Variants in CTNNA3 observed in about 807,000 individuals in gnomAD.
The protein encoded by CTNNA3 is catenin alpha 3.
A neutral mutation model predicts 95.7 loss-of-function variants in CTNNA3; 76 were observed. The ratio of observed to expected loss-of-function variants is 0.79; its 90% confidence interval spans 0.66 to 0.96. The LOEUF is 0.96. CTNNA3 is among the 40% of genes least tolerant of loss of function. The probability of loss-of-function intolerance (pLI) is 0.00; values close to 1 mark genes in which losing one functional copy is unlikely to be tolerated. For missense variants in CTNNA3, 1,191 were observed against 1,089.8 expected, an observed-to-expected ratio of 1.09 and a Z score of -1.31; for synonymous variants, 431 against 374.4, an observed-to-expected ratio of 1.15 and a Z score of -1.74.
At chr10:66,500,535 A>G (rs953255997) in intron 11 of CTNNA3, among the ~76,000 whole-genome samples, 2 of 152,194 alleles carry the variant, frequency 1.3e-5, no homozygotes, top group Admixed American at 6.5e-5. Context: ...CCAAGGCTGA[A>G]TATCTCTACC....
At chr10:66,686,995 T>C (rs6480201) in intron 9 of CTNNA3, among the ~76,000 whole-genome samples, 84,181 of 151,850 alleles carry the variant, frequency 0.55, 24,075 homozygotes, top group African/African-American at 0.68. Context: ...CAATAAAAAA[T>C]TTTAAGCTCA....
intron 7 of CTNNA3, among the ~76,000 whole-genome samples, chr10:66,845,707 A>AAAATAAATAAATAAAT (rs1470360122): frequency 6.5e-5 from 4 of 61,198 alleles, no homozygotes; most frequent in Non-Finnish European, 8.6e-5. Context: ...CTGTCTCAAA[A>AAAATAAATAAATAAAT]AAAAAAAAAA....
At chr10:66,408,720 T>C (rs2093076679) in intron 11 of CTNNA3, among the ~76,000 whole-genome samples, 1 of 152,154 alleles carries the variant, frequency 6.6e-6, no homozygotes, top group African/African-American at 2.4e-5. Flanking sequence ...TTAAAGAAAT[T>C]CACACTAAAA....
chr10:67,574,007 T>C (rs564767209), intron 3 of CTNNA3, among the ~76,000 whole-genome samples: 66 of 152,310 alleles, frequency 4.3e-4, no homozygotes, highest in Middle Eastern at 3.4e-3. Flanking sequence ...AGAAGGCTAA[T>C]TGATAATTTT....
intron 14 of CTNNA3, among the ~76,000 whole-genome samples, chr10:66,092,271 T>G (rs1589378637): frequency 6.6e-6 from 1 of 152,144 alleles, no homozygotes; most frequent in East Asian, 1.9e-4. Flanking sequence ...TTTAACTTTC[T>G]GCTTCTTCCT....
chr10:66,816,258 T>A (rs1355325186), intron 7 of CTNNA3, among the ~76,000 whole-genome samples: 2 of 151,842 alleles, frequency 1.3e-5, no homozygotes, highest in East Asian at 1.9e-4. Flanking sequence ...AAAAGCAAAG[T>A]AAAATGGAGG....
intron 10 of CTNNA3, among the ~76,000 whole-genome samples, chr10:66,559,450 G>T (rs1316331601): frequency 2.1e-5 from 3 of 141,886 alleles, no homozygotes; most frequent in Non-Finnish European, 4.5e-5. Flanking sequence ...TTTTTAAATT[G>T]TATCAACTCT....
At chr10:66,481,667 T>G (rs1839539982) in intron 11 of CTNNA3, among the ~76,000 whole-genome samples, 1 of 149,534 alleles carries the variant, frequency 6.7e-6, no homozygotes, top group African/African-American at 2.5e-5. Flanking sequence ...GAGACGGGGT[T>G]TCACCGTGTT....
chr10:65,920,737 G>T, intron 17 of CTNNA3, 120 bp from the exon 18 acceptor site: 1 of 1,069,342 alleles, frequency 9.4e-7, no homozygotes, highest in Non-Finnish European at 1.3e-6. Flanking sequence ...GAGGAGGGAG[G>T]ATCACTTGAG....
At chr10:66,891,208 A>G (rs951689793) in intron 7 of CTNNA3, among the ~76,000 whole-genome samples, 13 of 152,214 alleles carry the variant, frequency 8.5e-5, no homozygotes, top group Non-Finnish European at 1.6e-4. Context: ...ACCATTATGT[A>G]GAAACAAATA....
At chr10:67,394,684 C>T (rs1374236169) in intron 5 of CTNNA3, among the ~76,000 whole-genome samples, 3 of 152,006 alleles carry the variant, frequency 2.0e-5, no homozygotes, top group Admixed American at 6.6e-5. Context: ...AACAAAAATA[C>T]AGGGAGGGAG....
chr10:67,487,544 A>G (rs1319733943), intron 5 of CTNNA3, among the ~76,000 whole-genome samples: 2 of 152,226 alleles, frequency 1.3e-5, no homozygotes, highest in Non-Finnish European at 2.9e-5. Context: ...GGGGCAATCA[A>G]GGACTATTTT....
At chr10:66,014,335 T>C (rs1056422435) in intron 15 of CTNNA3, among the ~76,000 whole-genome samples, 1 of 146,632 alleles carries the variant, frequency 6.8e-6, no homozygotes, top group Non-Finnish European at 1.5e-5. Flanking sequence ...TTGAGTAGCT[T>C]CAATGGGTGC....
At chr10:65,928,511 T>A (rs2077201870) in intron 17 of CTNNA3, among the ~76,000 whole-genome samples, 1 of 152,172 alleles carries the variant, frequency 6.6e-6, no homozygotes. Context: ...ACAATGTTCT[T>A]TTTTACCCTT....
chr10:66,845,725 A>AAAAAAC (rs1160996707), intron 7 of CTNNA3, among the ~76,000 whole-genome samples: 3,501 of 100,302 alleles, frequency 0.035, 422 homozygotes, highest in Non-Finnish European at 0.049. Flanking sequence ...AAAAAAAAAA[A>AAAAAAC]AAAACTAAAA....
intron 15 of CTNNA3, among the ~76,000 whole-genome samples, chr10:66,055,634 A>G (rs935563761): frequency 6.6e-6 from 1 of 152,082 alleles, no homozygotes; most frequent in Non-Finnish European, 1.5e-5. Context: ...TTTTTAAGAT[A>G]AAAAATCGGC....
intron 7 of CTNNA3, among the ~76,000 whole-genome samples, chr10:67,002,957 A>C (rs553944423): frequency 6.6e-6 from 1 of 152,290 alleles, no homozygotes; most frequent in African/African-American, 2.4e-5. Flanking sequence ...ACTCTTCGTA[A>C]GACTTGTGGC....
chr10:67,204,584 T>TG lies in CTNNA3; in HGVS notation c.843+15022_843+15023insC, dbSNP rs1308110548. Among the ~76,000 whole-genome samples, 115 of 152,264 alleles carry TG rather than the reference T, an allele frequency of 7.6e-4. 1 individual carries two copies. Among genetic ancestry groups the TG allele is most frequent in the African/African-American group, 2.7e-3 (111 of 41,546 alleles). ...TGCAAGAACAGACTAATACAGCTAC[T>TG]AATAAGAAAGCTGAATTTATGGGAT... On this transcript the variant is annotated intron_variant, in intron 6 of 17. Transcript: ENST00000433211.
intron 14 of CTNNA3, among the ~76,000 whole-genome samples, chr10:66,101,429 G>A (rs377562320): frequency 2.4e-4 from 37 of 152,128 alleles, no homozygotes; most frequent in East Asian, 1.3e-3. Flanking sequence ...ACCAAAATTT[G>A]AGATAAGCAA....
Sources: allele counts gnomAD v4.1 joint callset (sites outside exome capture counted in the v4.1 genomes callset), GRCh38; gene constraint gnomAD v4.1.1; transcripts MANE v1.5; gene names NCBI Gene and HGNC (gene_info 2026-07-23, HGNC 2026-07-21).